Variants in TSPAN18 observed in about 807,000 individuals in gnomAD.
The protein encoded by TSPAN18 is tetraspanin 18.
A neutral mutation model predicts 27.3 loss-of-function variants in TSPAN18; 14 were observed. The observed-to-expected ratio is 0.51, with a 90% CI of 0.34 to 0.80. TSPAN18 has a LOEUF of 0.80. Among genes scored for constraint, TSPAN18 ranks in the 30% least tolerant of loss-of-function variants. TSPAN18 has a pLI of 0.01. For missense variants in TSPAN18, 268 were observed against 323.9 expected, an observed-to-expected ratio of 0.83 and a Z score of 1.32; for synonymous variants, 143 against 136.5, an observed-to-expected ratio of 1.05 and a Z score of -0.33.
At chr11:44,836,044 T>A (rs928078024) in intron 2 of TSPAN18, among the ~76,000 whole-genome samples, 1 of 152,148 alleles carries the variant, frequency 6.6e-6, no homozygotes, top group Non-Finnish European at 1.5e-5. Flanking sequence ...ATAACAATAT[T>A]GAAATGAGGC....
At chr11:44,782,804 A>G (rs1026748617) in intron 2 of TSPAN18, among the ~76,000 whole-genome samples, 12 of 152,066 alleles carry the variant, frequency 7.9e-5, no homozygotes, top group African/African-American at 2.7e-4. Flanking sequence ...TCATTTGAAC[A>G]CTTTCTTTTG....
intron 3 of TSPAN18, among the ~76,000 whole-genome samples, chr11:44,892,881 G>C (rs563978904): frequency 6.6e-6 from 1 of 152,296 alleles, no homozygotes; most frequent in South Asian, 2.1e-4. Flanking sequence ...TAGTTGAGAG[G>C]GTCTGATGAC....
rs181262840 is a variant in TSPAN18, at chr11:44,865,031, G to A, written c.-11+4562G>A. On this transcript the variant is annotated intron_variant, in intron 3 of 9. Transcript: ENST00000520358. ...ATCGGTGTTGTCCCAGCCTCAGCCGGGGTGGTTGGACATACCAATCTCTTG... is the reference window on the plus strand; with the variant it reads ...ATCGGTGTTGTCCCAGCCTCAGCCGAGGTGGTTGGACATACCAATCTCTTG... Among the ~76,000 whole-genome samples, 431 of 152,332 alleles carry A rather than the reference G, an allele frequency of 2.8e-3. 2 individuals are homozygous for A. Among genetic ancestry groups the A allele is most frequent in the African/African-American group, 9.7e-3 (405 of 41,568 alleles).
In TSPAN18 at chr11:44,929,314, C is replaced by T; in HGVS notation, c.*136C>T. On this transcript the variant is annotated 3_prime_UTR_variant, in exon 10 of 10. Transcript: ENST00000520358. ...CATCAGAGATGGCCAGGAGAAGGGC[C>T]AGGGGAATAGAGCTATTTTTTTAAC... 1.9e-6 allele frequency: 2 copies of T among 1,055,120 alleles called. No individual in the cohort carries two copies. Among genetic ancestry groups the T allele is most frequent in the Non-Finnish European group, 2.8e-6 (2 of 713,124 alleles). 65.4% of individuals were successfully genotyped at this position (1,055,120 alleles called of 1,614,324 possible).
At chr11:44,774,043 A>C (rs937970778) in intron 2 of TSPAN18, among the ~76,000 whole-genome samples, 3 of 151,990 alleles carry the variant, frequency 2.0e-5, no homozygotes, top group Non-Finnish European at 4.4e-5. Context: ...AGTGTAGCCC[A>C]TGGAGGCAGC....
intron 2 of TSPAN18, among the ~76,000 whole-genome samples, chr11:44,808,219 T>C (rs1052512750): frequency 3.9e-5 from 6 of 152,136 alleles, no homozygotes; most frequent in Non-Finnish European, 5.9e-5. Context: ...GCACTCAGGC[T>C]CAGAGAGGTG....
rs180769682 is a variant in TSPAN18, at chr11:44,778,466, C to T, written c.-153+13954C>T. 4.8e-3 allele frequency among the ~76,000 whole-genome samples: 731 copies of T among 152,210 alleles called. 2 individuals carry two copies. The highest frequency in any genetic ancestry group is 6.8e-3 in the Middle Eastern group (2 of 294). ...GCTAGGCAGGCACTATCTATTGATTCCAGCTGGCCTTCTAGAAGGAAGGTG... is the reference window on the plus strand; with the variant it reads ...GCTAGGCAGGCACTATCTATTGATTTCAGCTGGCCTTCTAGAAGGAAGGTG... On this transcript the variant is annotated intron_variant, in intron 2 of 9. Transcript: ENST00000520358.
At chr11:44,879,903 C>T (rs972357298) in intron 3 of TSPAN18, among the ~76,000 whole-genome samples, 2 of 152,236 alleles carry the variant, frequency 1.3e-5, no homozygotes, top group African/African-American at 4.8e-5. Context: ...GGATGAGTGC[C>T]AGCTGCCATG....
intron 2 of TSPAN18, among the ~76,000 whole-genome samples, chr11:44,815,112 T>C (rs4488183): frequency 0.96 from 146,518 of 152,248 alleles, 70,779 homozygotes; most frequent in East Asian, 1. Context: ...TCAGAGGCTT[T>C]ACTGTGGGCC....
intron 8 of TSPAN18, among the ~76,000 whole-genome samples, chr11:44,923,538 T>C (rs536900647): frequency 6.6e-6 from 1 of 152,226 alleles, no homozygotes; most frequent in African/African-American, 2.4e-5. Context: ...GCCTGGCCCA[T>C]AGGAGGGAGA....
At chr11:44,851,405 G>T (rs961577788) in intron 2 of TSPAN18, among the ~76,000 whole-genome samples, 11 of 152,262 alleles carry the variant, frequency 7.2e-5, no homozygotes, top group Admixed American at 2.6e-4. Flanking sequence ...CTGAACAGGG[G>T]GTTTTATACA....
chr11:44,825,838 A>G (rs540309540), intron 2 of TSPAN18, among the ~76,000 whole-genome samples: 1 of 152,182 alleles, frequency 6.6e-6, no homozygotes, highest in East Asian at 1.9e-4. Flanking sequence ...GAGTGTGTTT[A>G]GGGTTGGATG....
chr11:44,810,801 G>C (rs944639237), intron 2 of TSPAN18, among the ~76,000 whole-genome samples: 61 of 151,834 alleles, frequency 4.0e-4, no homozygotes, highest in Middle Eastern at 3.4e-3. Context: ...CAGGAAGGGG[G>C]TTTTGCCATG....
chr11:44,904,995 T>C (rs1219227674), intron 3 of TSPAN18, among the ~76,000 whole-genome samples: 1 of 152,078 alleles, frequency 6.6e-6, no homozygotes, highest in Non-Finnish European at 1.5e-5. Flanking sequence ...AACGAGATAA[T>C]ATGCGCAAAA....
At position 44,840,657 on chromosome 11, in the gene TSPAN18, C is replaced by T. The variant is rs191122092; in HGVS notation, c.-152-19671C>T. On this transcript the variant is annotated intron_variant, in intron 2 of 9. Coordinates refer to ENST00000520358, the MANE Select transcript of TSPAN18 (RefSeq NM_130783.5). ...TGTTTCTGTTTCAACAGAAACGCAGCGGCATGCTGCTTGATGGTGCGCAAA... is the reference window on the plus strand; with the variant it reads ...TGTTTCTGTTTCAACAGAAACGCAGTGGCATGCTGCTTGATGGTGCGCAAA... 2.4e-3 allele frequency among the ~76,000 whole-genome samples: 360 copies of T among 152,264 alleles called. 2 individuals carry two copies. Among genetic ancestry groups the T allele is most frequent in the African/African-American group, 8.3e-3 (346 of 41,558 alleles).
At chr11:44,810,038 A>G (rs186903277) in intron 2 of TSPAN18, among the ~76,000 whole-genome samples, 1 of 152,316 alleles carries the variant, frequency 6.6e-6, no homozygotes, top group East Asian at 1.9e-4. Flanking sequence ...GCTCTGGCTC[A>G]AAAACCAGTG....
At chr11:44,825,371 G>A (rs1030168949) in intron 2 of TSPAN18, among the ~76,000 whole-genome samples, 3 of 152,186 alleles carry the variant, frequency 2.0e-5, no homozygotes, top group African/African-American at 7.2e-5. Context: ...GCCCCACCAG[G>A]TTGAGTAAAT....
chr11:44,900,794 A>G (rs1367932393), intron 3 of TSPAN18, among the ~76,000 whole-genome samples: 2 of 145,206 alleles, frequency 1.4e-5, no homozygotes, highest in East Asian at 4.0e-4. Context: ...CCTGGGTTCA[A>G]GCAATTCTCC....
intron 1 of TSPAN18, among the ~76,000 whole-genome samples, chr11:44,756,920 G>A (rs1371486018): frequency 6.6e-6 from 1 of 152,158 alleles, no homozygotes; most frequent in Non-Finnish European, 1.5e-5. Context: ...TTTTCCTACT[G>A]TCTTGTTCCT....
Sources: allele counts gnomAD v4.1 joint callset (sites outside exome capture counted in the v4.1 genomes callset), GRCh38; gene constraint gnomAD v4.1.1; transcripts MANE v1.5; gene names NCBI Gene and HGNC (gene_info 2026-07-23, HGNC 2026-07-21).